Variants in ADAMTS16 observed in about 807,000 individuals in gnomAD.
ADAMTS16 encodes A disintegrin and metalloproteinase with thrombospondin motifs 16.
A neutral mutation model predicts 145.8 loss-of-function variants in ADAMTS16; 94 were observed. The observed-to-expected ratio is 0.64, with a 90% CI of 0.55 to 0.77. ADAMTS16 has a LOEUF of 0.77. ADAMTS16 is among the 30% of genes least tolerant of loss of function. ADAMTS16 has a pLI of 0.00. For missense variants in ADAMTS16, 1,585 were observed against 1,591.5 expected, an observed-to-expected ratio of 1.00 and a Z score of 0.07; for synonymous variants, 659 against 604.3, an observed-to-expected ratio of 1.09 and a Z score of -1.33.
chr5:5,160,878 C>T (rs906054147), intron 3 of ADAMTS16, among the ~76,000 whole-genome samples: 1 of 152,056 alleles, frequency 6.6e-6, no homozygotes, highest in Non-Finnish European at 1.5e-5. Context: ...CCCTGGGAGC[C>T]CTGTGCCTTT....
chr5:5,194,057 G>A lies in ADAMTS16; in HGVS notation c.1313+2267G>A, dbSNP rs1735734079. On this transcript the variant is annotated intron_variant, in intron 8 of 22. Transcript: ENST00000274181. ...GTCGAGGCTGCAGTCAGTTGAGATT[G>A]CACCACTGCACTCCAGCCTGGGTGG... 2.0e-5 allele frequency among the ~76,000 whole-genome samples: 3 copies of A among 151,992 alleles called. No homozygotes were observed. The South Asian group carries it at 6.2e-4, about 32-fold the overall frequency.
chr5:5,159,624 ACCTTCAGAGAAGT>A (rs1190867941), intron 3 of ADAMTS16, among the ~76,000 whole-genome samples: 1 of 152,254 alleles, frequency 6.6e-6, no homozygotes, highest in Non-Finnish European at 1.5e-5. Flanking sequence ...AGTTATACTG[ACCTTCAGAGAAGT>A]CCCACAGATG....
chr5:5,255,142 G>T (rs1430205798), intron 17 of ADAMTS16, among the ~76,000 whole-genome samples: 1 of 152,064 alleles, frequency 6.6e-6, no homozygotes, highest in South Asian at 2.1e-4. Context: ...TTTGAAAAGA[G>T]TATCCCATTA....
chr5:5,158,876 C>T (rs1199362204), intron 3 of ADAMTS16, among the ~76,000 whole-genome samples: 1 of 152,142 alleles, frequency 6.6e-6, no homozygotes, highest in African/African-American at 2.4e-5. Context: ...TATTTAATTA[C>T]CAAACTTACT....
intron 3 of ADAMTS16, among the ~76,000 whole-genome samples, chr5:5,155,807 AG>A (rs140353092): frequency 4.6e-5 from 7 of 152,246 alleles, no homozygotes; most frequent in Non-Finnish European, 7.4e-5. Flanking sequence ...GTGAGGGAAC[AG>A]ACAGAAAGTC....
At chr5:5,199,036 A>C (rs1020717926) in intron 8 of ADAMTS16, among the ~76,000 whole-genome samples, 1 of 152,194 alleles carries the variant, frequency 6.6e-6, no homozygotes, top group Non-Finnish European at 1.5e-5. Context: ...TAGCTCTGCA[A>C]GAATGTATTT....
At chr5:5,271,207 G>A (rs1738459475) in intron 18 of ADAMTS16, among the ~76,000 whole-genome samples, 1 of 152,216 alleles carries the variant, frequency 6.6e-6, no homozygotes, top group Admixed American at 6.5e-5. Flanking sequence ...ATTGCCAGAT[G>A]GGATCCCCTA....
chr5:5,193,252 C>T (rs868230257), intron 8 of ADAMTS16, among the ~76,000 whole-genome samples: 41 of 152,078 alleles, frequency 2.7e-4, no homozygotes, highest in Middle Eastern at 3.2e-3. Flanking sequence ...GTTCTGCACC[C>T]TTTAGCTGTG....
chr5:5,260,691 T>C (rs1737982190), intron 17 of ADAMTS16, among the ~76,000 whole-genome samples: 2 of 152,218 alleles, frequency 1.3e-5, no homozygotes, highest in African/African-American at 2.4e-5. Context: ...AGAGCTGCCC[T>C]CCTCTTTACA....
intron 10 of ADAMTS16, among the ~76,000 whole-genome samples, chr5:5,219,937 G>A (rs1736544833): frequency 6.6e-6 from 1 of 152,202 alleles, no homozygotes. Context: ...CTGAATGGTA[G>A]TCTGAATCAT....
intron 8 of ADAMTS16, among the ~76,000 whole-genome samples, chr5:5,199,108 G>A (rs73038120): frequency 0.18 from 27,522 of 151,976 alleles, 2,937 homozygotes; most frequent in African/African-American, 0.3. Context: ...TGTTCTTCTG[G>A]GATAGTTGAA....
At chr5:5,232,581 G>C in intron 12 of ADAMTS16, 65 bp downstream of exon 12, 2 of 1,243,158 alleles carry the variant, frequency 1.6e-6, no homozygotes, top group Non-Finnish European at 2.3e-6. Flanking sequence ...CCTCCAAGCA[G>C]TATGCCTGTG....
At chr5:5,230,123 G>A (rs1242740275) in intron 11 of ADAMTS16, among the ~76,000 whole-genome samples, 1 of 152,104 alleles carries the variant, frequency 6.6e-6, no homozygotes, top group Non-Finnish European at 1.5e-5. Context: ...GAACCCAGGG[G>A]ACGTGTTCAA....
chr5:5,214,359 A>G (rs1020159713), intron 10 of ADAMTS16, among the ~76,000 whole-genome samples: 4 of 152,234 alleles, frequency 2.6e-5, no homozygotes, highest in Admixed American at 1.3e-4. Flanking sequence ...CTTATGATAT[A>G]TAAAATTGTT....
Position 5,201,454 on chromosome 5 carries a change from G to A in ADAMTS16, c.1451+1185G>A, listed in dbSNP as rs1387892599. The stretch of plus-strand genomic sequence containing the variant: ...CTAAGGAACTAGCTAGTTGTGATAG[G>A]AAAGTTTGAAATTTGACAAGAAGAA... On this transcript the variant is annotated intron_variant, in intron 9 of 22. Coordinates refer to ENST00000274181, the MANE Select transcript of ADAMTS16 (RefSeq NM_139056.4). 2.8e-5 allele frequency among the ~76,000 whole-genome samples: 4 copies of A among 144,476 alleles called. No individual in the cohort carries two copies. The East Asian group carries it at 8.2e-4, about 30-fold the overall frequency. The allele number at this position is 144,476 out of a possible 152,430, so 94.8% of individuals were successfully genotyped here.
intron 11 of ADAMTS16, among the ~76,000 whole-genome samples, chr5:5,226,367 A>G (rs115754825): frequency 0.014 from 2,166 of 152,240 alleles, 36 homozygotes; most frequent in Non-Finnish European, 0.021. Context: ...ACTCTCATGT[A>G]TAAAACTATC....
chr5:5,251,795 C>T (rs1356238154), intron 17 of ADAMTS16, among the ~76,000 whole-genome samples: 1 of 152,198 alleles, frequency 6.6e-6, no homozygotes. Flanking sequence ...TGCAGATTCT[C>T]GGGCCCCCAG....
intron 11 of ADAMTS16, among the ~76,000 whole-genome samples, chr5:5,231,462 G>C (rs1736921812): frequency 6.6e-6 from 1 of 150,724 alleles, no homozygotes; most frequent in Non-Finnish European, 1.5e-5. Flanking sequence ...TACAAATCTA[G>C]TGGCTCTAAT....
chr5:5,211,978 A>G (rs2126321387), intron 10 of ADAMTS16, among the ~76,000 whole-genome samples: 1 of 152,266 alleles, frequency 6.6e-6, no homozygotes, highest in East Asian at 1.9e-4. Context: ...CTTGGTGAAC[A>G]TTCTGTGGAG....
Sources: gnomAD v4.1 joint callset for allele counts (sites outside exome capture counted in the v4.1 genomes callset) on GRCh38, gnomAD v4.1.1 for gene constraint, MANE v1.5 for transcripts, NCBI Gene and HGNC (gene_info 2026-07-23, HGNC 2026-07-21) for gene names.